GLIS3: variants seen among roughly 807,000 people sequenced by gnomAD.
GLIS3 encodes GLIS family zinc finger 3.
Under a neutral mutation model 78.6 loss-of-function variants are expected in GLIS3, and 53 were observed. The ratio of observed to expected loss-of-function variants is 0.67; its 90% CI spans 0.54 to 0.85. GLIS3 has a LOEUF of 0.85. Among genes scored for constraint, GLIS3 ranks in the 40% least tolerant of loss-of-function variants. The pLI, the probability that GLIS3 is intolerant of heterozygous loss-of-function variation, is 0.00. For synonymous variants in GLIS3, 684 were observed against 509.9 expected, an observed-to-expected ratio of 1.34 and a Z score of -4.60; for missense variants, 1,703 against 1,231.1, an observed-to-expected ratio of 1.38 and a Z score of -5.74.
At chr9:4,025,370 C>T (rs1823243627) in intron 4 of GLIS3, among the ~76,000 whole-genome samples, 1 of 152,004 alleles carries the variant, frequency 6.6e-6, no homozygotes, top group Non-Finnish European at 1.5e-5. Context: ...AACGCTTTGA[C>T]CCTTGGTTGG....
intron 2 of GLIS3, among the ~76,000 whole-genome samples, chr9:4,131,151 G>A (rs1337828125): frequency 6.6e-6 from 1 of 152,156 alleles, no homozygotes; most frequent in African/African-American, 2.4e-5. Context: ...CCCAATGTCT[G>A]TACCTCCATT....
At chr9:3,864,545 A>G (rs1588113779) in intron 8 of GLIS3, among the ~76,000 whole-genome samples, 2 of 152,190 alleles carry the variant, frequency 1.3e-5, no homozygotes, top group Non-Finnish European at 2.9e-5. Flanking sequence ...GTGGTCAGGT[A>G]CCTTTGGAAG....
chr9:4,049,565 T>C (rs923575775), intron 4 of GLIS3, among the ~76,000 whole-genome samples: 4 of 152,116 alleles, frequency 2.6e-5, no homozygotes, highest in African/African-American at 9.7e-5. Flanking sequence ...TTCTCTTTCA[T>C]ACATATATCC....
At chr9:4,000,646 C>T (rs1821065870) in intron 4 of GLIS3, among the ~76,000 whole-genome samples, 1 of 152,168 alleles carries the variant, frequency 6.6e-6, no homozygotes, top group Non-Finnish European at 1.5e-5. Context: ...CCCCCTGCTG[C>T]TTACAGGACA....
chr9:4,025,175 C>A (rs1823225613), intron 4 of GLIS3, among the ~76,000 whole-genome samples: 7 of 151,866 alleles, frequency 4.6e-5, no homozygotes, highest in Admixed American at 4.6e-4. Context: ...TCACTTGAAT[C>A]CAGGAGGCAG....
intron 2 of GLIS3, among the ~76,000 whole-genome samples, chr9:4,145,652 C>A (rs1440861797): frequency 6.6e-6 from 1 of 152,062 alleles, no homozygotes; most frequent in Non-Finnish European, 1.5e-5. Flanking sequence ...CACATCAGTG[C>A]CCTCTGTCAG....
chr9:4,484,404 A>ATTTTTTT, the GLIS3 span, among the ~76,000 whole-genome samples: 5 of 49,736 alleles, frequency 1.0e-4, 1 homozygote, highest in African/African-American at 4.5e-4. Context: ...TGCCAGGCTA[A>ATTTTTTT]TTTTTTTTTT....
the GLIS3 span, among the ~76,000 whole-genome samples, chr9:4,387,196 C>G: frequency 6.6e-6 from 1 of 152,180 alleles, no homozygotes; most frequent in Admixed American, 6.5e-5. Context: ...GTTCTAGAAT[C>G]TCTGTGCTTC....
At chr9:3,836,820 C>T (rs192021038) in intron 9 of GLIS3, among the ~76,000 whole-genome samples, 2 of 152,290 alleles carry the variant, frequency 1.3e-5, no homozygotes, top group African/African-American at 2.4e-5. Context: ...ATCTCACCAC[C>T]GCTCACCACC....
intron 2 of GLIS3, among the ~76,000 whole-genome samples, chr9:4,278,450 T>C (rs1827225034): frequency 1.3e-5 from 2 of 152,142 alleles, no homozygotes; most frequent in East Asian, 1.9e-4. Flanking sequence ...GACACAAGAA[T>C]TGACTTCAAG....
chr9:4,012,765 C>CTTTTTTTTTTTTTTTTTTTTTTTTTTTTT (rs71324278), intron 4 of GLIS3, among the ~76,000 whole-genome samples: 9 of 66,496 alleles, frequency 1.4e-4, no homozygotes, highest in Non-Finnish European at 2.2e-4. Context: ...TTTTCTTTTT[C>CTTTTTTTTTTTTTTTTTTTTTTTTTTTTT]TTTTTTTTTT....
At chr9:3,981,360 A>G (rs1005946506) in intron 4 of GLIS3, among the ~76,000 whole-genome samples, 8 of 152,196 alleles carry the variant, frequency 5.3e-5, no homozygotes, top group Non-Finnish European at 1.0e-4. Flanking sequence ...TCGACATTGG[A>G]TGCAAAAGCC....
chr9:4,277,216 A>C (rs1335045363), intron 2 of GLIS3, among the ~76,000 whole-genome samples: 2 of 152,210 alleles, frequency 1.3e-5, no homozygotes, highest in Non-Finnish European at 2.9e-5. Flanking sequence ...AGATAAACCT[A>C]AGTAAAGGAA....
intron 6 of GLIS3, among the ~76,000 whole-genome samples, chr9:3,900,164 C>G (rs1255425964): frequency 6.8e-6 from 1 of 147,684 alleles, no homozygotes; most frequent in Non-Finnish European, 1.5e-5. Flanking sequence ...TTGGATAAAG[C>G]CTTGACTTGA....
chr9:4,245,051 T>A (rs1219502311), intron 2 of GLIS3, among the ~76,000 whole-genome samples: 2 of 152,212 alleles, frequency 1.3e-5, no homozygotes, highest in East Asian at 1.9e-4. Context: ...TGGTTCTACA[T>A]CAAAAGACTG....
intron 2 of GLIS3, among the ~76,000 whole-genome samples, chr9:4,235,181 T>A (rs1244248642): frequency 2.0e-5 from 3 of 151,614 alleles, no homozygotes; most frequent in Non-Finnish European, 4.4e-5. Flanking sequence ...TGCCTGTAGT[T>A]CCAGCTACTC....
chr9:4,435,791 T>C, the GLIS3 span, among the ~76,000 whole-genome samples: 2 of 151,824 alleles, frequency 1.3e-5, no homozygotes, highest in Non-Finnish European at 2.9e-5. Flanking sequence ...CTACTAAAAA[T>C]ACAAAAAATT....
In GLIS3 at chr9:4,006,019, C is replaced by G. The variant is rs1401384386; in HGVS notation, c.1711-68830G>C. On this transcript the variant is annotated intron_variant, in intron 4 of 10. Transcript: ENST00000381971. The stretch of plus-strand genomic sequence containing the variant: ...GACATAACATCTTTACAGACCCACA[C>G]AGGCCCTTCCTTACCTGCTGTTTCA... 2.0e-5 allele frequency among the ~76,000 whole-genome samples: 3 copies of G among 152,236 alleles called. 1 individual carries two copies. Among genetic ancestry groups the G allele is most frequent in the Non-Finnish European group, 4.4e-5 (3 of 68,000 alleles).
chr9:4,241,938 C>T (rs1355973229), intron 2 of GLIS3, among the ~76,000 whole-genome samples: 1 of 152,206 alleles, frequency 6.6e-6, no homozygotes, highest in East Asian at 1.9e-4. Flanking sequence ...CTTGCCTTGG[C>T]CTCCCAAAGT....
Sources: gnomAD v4.1 joint callset for allele counts (sites outside exome capture counted in the v4.1 genomes callset) on GRCh38, gnomAD v4.1.1 for gene constraint, MANE v1.5 for transcripts, NCBI Gene and HGNC (gene_info 2026-07-23, HGNC 2026-07-21) for gene names.